Variants in CDON observed in about 807,000 individuals in gnomAD.
The protein encoded by CDON is cell adhesion molecule-related/down-regulated by oncogenes.
A neutral mutation model predicts 120.9 loss-of-function variants in CDON; 73 were observed. The ratio of observed to expected loss-of-function variants is 0.60; its 90% CI spans 0.50 to 0.73. CDON has a LOEUF of 0.73. Ranked by LOEUF, CDON falls within the 30% of genes least tolerant of loss-of-function variation. CDON has a pLI of 0.00. For synonymous variants in CDON, 566 were observed against 573.5 expected, an observed-to-expected ratio of 0.99 and a Z score of 0.19; for missense variants, 1,470 against 1,587.3, an observed-to-expected ratio of 0.93 and a Z score of 1.26.
intron 2 of CDON, among the ~76,000 whole-genome samples, chr11:126,023,195 G>A (rs1376746929): frequency 2.6e-5 from 4 of 152,158 alleles, no homozygotes; most frequent in Non-Finnish European, 5.9e-5. Flanking sequence ...GGCCAGGACA[G>A]GAAGGCCTGC....
Position 125,994,961 on chromosome 11 carries a change from G to A in CDON, c.2454C>T (p.Phe818=). ...TTGGACGGCTGGAAAAGCGATTGGG[G>A]AACCCAACCACTTGATAAGGACGAG... ...SASRPYQVVG[F]PNRFSSRPIT... is the part of the protein sequence containing the mutation. Residue 818 remains phenylalanine (F), a synonymous_variant, in exon 13 of 20, where the codon TTC becomes TTT. Transcript: ENST00000531738. 1 of 1,613,712 alleles carries A rather than the reference G, an allele frequency of 6.2e-7. No homozygotes were observed. The highest frequency in any genetic ancestry group is 8.5e-7 in the Non-Finnish European group (1 of 1,179,668).
At chr11:125,969,060 G>A (rs1006959473) in intron 18 of CDON, among the ~76,000 whole-genome samples, 8 of 152,108 alleles carry the variant, frequency 5.3e-5, no homozygotes, top group East Asian at 3.9e-4. Context: ...GTGCAATGGC[G>A]TGATCTCAGC....
chr11:126,059,884 CT>C lies in CDON; in HGVS notation c.-62+2694del, dbSNP rs1565563196. Among the ~76,000 whole-genome samples the C allele has an allele frequency of 5.9e-5, 9 of 151,474 alleles. No homozygotes were observed. In the South Asian group the frequency reaches 1.7e-3, roughly 28 times the overall value. ...GACAATGATACTGTATGTTTTAAGCCTGACAATGGGGGAAAGAGCACAAGCA... is the reference window on the plus strand; with the variant it reads ...GACAATGATACTGTATGTTTTAAGCCGACAATGGGGGAAAGAGCACAAGCA... On this transcript the variant is annotated intron_variant, in intron 1 of 19. Coordinates refer to ENST00000531738, the MANE Select transcript of CDON (RefSeq NM_001378964.1).
At chr11:125,990,790 T>C (rs1946612078) in intron 14 of CDON, among the ~76,000 whole-genome samples, 1 of 152,142 alleles carries the variant, frequency 6.6e-6, no homozygotes, top group South Asian at 2.1e-4. Flanking sequence ...TCTTTTCAGG[T>C]CAACAGTACA....
chr11:126,010,511 T>C lies in CDON; in HGVS notation c.1382A>G (p.Gln461Arg). ...GTTCAAGCCCTCAGGTCTTGATAAC[T>C]GTGATTTTCGGGATTTCGATCTCAG... ...QVLRSKSRKSQLSRPEGLNLE... is the reference protein window; with the variant it reads ...QVLRSKSRKSRLSRPEGLNLE... Residue 461 changes from glutamine to arginine, a missense_variant, in exon 8 of 20, where the codon CAG becomes CGG. Physicochemically the swap from Gln to Arg is conservative, Grantham distance 43 (BLOSUM62 1). Transcript: ENST00000531738. The C allele has an allele frequency of 6.2e-7, 1 of 1,614,104 alleles. No individual in the cohort carries two copies. Among genetic ancestry groups the C allele is most frequent in the South Asian group, 1.1e-5 (1 of 91,076 alleles).
chr11:125,970,320 G>A (rs1332780732), intron 18 of CDON, among the ~76,000 whole-genome samples: 4 of 151,710 alleles, frequency 2.6e-5, no homozygotes, highest in Non-Finnish European at 4.4e-5. Flanking sequence ...GATTACAGGC[G>A]CGCGCCACCA....
At chr11:126,056,475 T>A (rs894433731) in intron 1 of CDON, among the ~76,000 whole-genome samples, 1 of 152,170 alleles carries the variant, frequency 6.6e-6, no homozygotes, top group African/African-American at 2.4e-5. Context: ...TTAATAAAAT[T>A]ATAAATGTTG....
chr11:125,969,742 T>A (rs1945908501), intron 18 of CDON, among the ~76,000 whole-genome samples: 1 of 152,238 alleles, frequency 6.6e-6, no homozygotes, highest in South Asian at 2.1e-4. Context: ...AAGATACCTT[T>A]TAGTAACACA....
In CDON at chr11:126,010,451, C is replaced by T; in HGVS notation, c.1442G>A (p.Gly481Asp). 3.1e-6 allele frequency: 5 copies of T among 1,614,134 alleles called. No individual in the cohort carries two copies. The highest frequency in any genetic ancestry group is 1.3e-5 in the African/African-American group (1 of 75,036). ...AGCCTGAATATGGAGAGAGCTTGCA[C>T]CAGCTTGGGACAGGACGAAGTACAC... ...EPVYFVLSQA[G>D]ASSLHIQAVT... The change falls in exon 8 of 20, where the codon GGT becomes GAT. Residue 481 changes from glycine (G) to aspartate (D), a missense_variant. By Grantham distance (94) the Gly-to-Asp change is moderately conservative. Transcript: ENST00000531738.
chr11:125,974,875 T>C (rs923957262), intron 18 of CDON, among the ~76,000 whole-genome samples: 1 of 152,236 alleles, frequency 6.6e-6, no homozygotes, highest in African/African-American at 2.4e-5. Context: ...AGATCATCCA[T>C]GTTTGAAACT....
intron 11 of CDON, among the ~76,000 whole-genome samples, chr11:126,000,529 C>T (rs1946912066): frequency 6.6e-6 from 1 of 152,200 alleles, no homozygotes; most frequent in Admixed American, 6.5e-5. Flanking sequence ...ATATTGTAAA[C>T]TTCTTAAAGG....
chr11:125,961,875 G>C lies in CDON; in HGVS notation c.3480C>G (p.Cys1160Trp). The change falls in exon 19 of 20, where the codon TGC becomes TGG. Residue 1160 changes from cysteine (C) to tryptophan (W), a missense_variant. Cys to Trp is a radical substitution (Grantham distance 215, BLOSUM62 -2). Coordinates refer to ENST00000531738, the MANE Select transcript of CDON (RefSeq NM_001378964.1). ...KPLSHVKVPV[C>W]LTSAVPDCGQ... ...CACAATCAGGGACTGCGGAAGTCAGGCATACAGGCACCTTCACGTGACTGA... is the reference window on the plus strand; with the variant it reads ...CACAATCAGGGACTGCGGAAGTCAGCCATACAGGCACCTTCACGTGACTGA... The C allele has an allele frequency of 1.2e-6, 2 of 1,614,194 alleles. No individual in the cohort carries two copies. Among genetic ancestry groups the C allele is most frequent in the Non-Finnish European group, 1.7e-6 (2 of 1,180,032 alleles).
chr11:126,041,602 T>G (rs60490638), intron 1 of CDON, among the ~76,000 whole-genome samples: 34,216 of 152,172 alleles, frequency 0.22, 4,325 homozygotes, highest in African/African-American at 0.31. Flanking sequence ...TAGTACTAAA[T>G]AGGATAACTT....
chr11:126,031,434 T>G (rs1485714919), intron 1 of CDON, among the ~76,000 whole-genome samples: 1 of 152,228 alleles, frequency 6.6e-6, no homozygotes, highest in Non-Finnish European at 1.5e-5. Context: ...TAAAAAGTGA[T>G]ATTATAGCTT....
At position 125,970,238 on chromosome 11, in the gene CDON, G is replaced by A. The variant is rs571752292; in HGVS notation, c.3356+8066C>T. Among the ~76,000 whole-genome samples the A allele has an allele frequency of 2.7e-5, 4 of 146,634 alleles. No homozygotes were observed. In the South Asian group the frequency reaches 6.7e-4, roughly 25 times the overall value. On this transcript the variant is annotated intron_variant, in intron 18 of 19. Coordinates refer to ENST00000531738, the MANE Select transcript of CDON (RefSeq NM_001378964.1). ...TCGCCAGGCTGGAGTGCAGTGGCGC[G>A]ATCTCGACTCACCGCAACCTCTGCC...
chr11:125,962,101 C>CT (rs1226460920), intron 18 of CDON, 103 bp from the exon 19 acceptor site: 1 of 895,904 alleles, frequency 1.1e-6, no homozygotes, highest in African/African-American at 1.7e-5. Context: ...TTCACAGACT[C>CT]TTAAGAAAGA....
intron 1 of CDON, among the ~76,000 whole-genome samples, chr11:126,038,581 GGCAGAGGTT>G (rs1948166937): frequency 6.6e-6 from 1 of 151,966 alleles, no homozygotes; most frequent in African/African-American, 2.4e-5. Context: ...GAACCCAGGA[GGCAGAGGTT>G]GCAGTGAGCG....
In CDON at chr11:126,050,226, A is replaced by G. The variant is rs577638059; in HGVS notation, c.-62+12353T>C. ...ATGTCAAAGATCAAAAAAGCAAAAA[A>G]ACAAAAAAAAAGCACCCTTAGAATT... On this transcript the variant is annotated intron_variant, in intron 1 of 19. Coordinates refer to ENST00000531738, the MANE Select transcript of CDON (RefSeq NM_001378964.1). 4.1e-4 allele frequency among the ~76,000 whole-genome samples: 59 copies of G among 142,286 alleles called. No homozygotes were observed. In the South Asian group the frequency reaches 0.014, roughly 33 times the overall value. The allele number at this position is 142,286 out of a possible 152,430, so 93.3% of individuals were successfully genotyped here. A position where few individuals can be genotyped will look rare whatever the true frequency, so the allele number is the denominator to read the frequency against.
chr11:126,039,189 C>G (rs1165472932), intron 1 of CDON, among the ~76,000 whole-genome samples: 1 of 152,182 alleles, frequency 6.6e-6, no homozygotes, highest in Non-Finnish European at 1.5e-5. Flanking sequence ...GGTGAAGAAG[C>G]ATCTAGCATG....
Sources: allele counts gnomAD v4.1 joint callset (sites outside exome capture counted in the v4.1 genomes callset), GRCh38; gene constraint gnomAD v4.1.1; transcripts MANE v1.5; gene names NCBI Gene and HGNC (gene_info 2026-07-23, HGNC 2026-07-21).